The following TRIM37 variants were observed in gnomAD, a reference collection of about 807,000 sequenced individuals.
TRIM37 encodes tripartite motif containing 37, also known as E3 ubiquitin-protein ligase TRIM37.
In TRIM37, 80 loss-of-function variants were observed where a neutral mutation model predicts 129.8. The ratio of observed to expected loss-of-function variants is 0.62; its 90% confidence interval spans 0.51 to 0.74. The LOEUF (loss-of-function observed/expected upper bound fraction) is 0.74. Among genes scored for constraint, TRIM37 ranks in the 30% least tolerant of loss-of-function variants. The pLI is 0.00. For missense variants in TRIM37, 1,054 were observed against 1,176.5 expected (o/e 0.90, Z 1.52); for synonymous variants, 389 against 387.1 (o/e 1.00, Z -0.06).
intron 2 of TRIM37, among the ~76,000 whole-genome samples, chr17:59,098,651 T>A: frequency 1.5e-5 from 2 of 132,064 alleles, no homozygotes; most frequent in African/African-American, 5.8e-5. Flanking sequence ...GGCAACAGAG[T>A]GAGACACTGT....
intron 17 of TRIM37, among the ~76,000 whole-genome samples, chr17:59,033,278 T>C (rs1176618747): frequency 6.6e-6 from 1 of 152,176 alleles, no homozygotes; most frequent in Non-Finnish European, 1.5e-5. Context: ...AGCCAATTAA[T>C]AATTTATGCT....
At chr17:59,080,398 A>G (rs1568193784) in intron 6 of TRIM37, among the ~76,000 whole-genome samples, 1 of 152,254 alleles carries the variant, frequency 6.6e-6, no homozygotes, top group Non-Finnish European at 1.5e-5. Flanking sequence ...CATCACAAAT[A>G]GTTCATTGCT....
At chr17:59,031,038 A>G (rs1406649396) in intron 18 of TRIM37, among the ~76,000 whole-genome samples, 3 of 152,198 alleles carry the variant, frequency 2.0e-5, no homozygotes, top group Admixed American at 1.3e-4. Context: ...TTCAGGAAGT[A>G]TATCTGGCTC....
At chr17:59,053,116 C>T (rs1449007408) in intron 13 of TRIM37, among the ~76,000 whole-genome samples, 1 of 152,144 alleles carries the variant, frequency 6.6e-6, no homozygotes, top group Admixed American at 6.5e-5. Context: ...GTAAGACCGT[C>T]TAAACACTAT....
At chr17:59,053,572 A>G (rs2040554920) in intron 13 of TRIM37, among the ~76,000 whole-genome samples, 1 of 152,202 alleles carries the variant, frequency 6.6e-6, no homozygotes, top group Admixed American at 6.5e-5. Context: ...CTTAAAAAAA[A>G]TGATGTCATA....
At chr17:59,022,404 T>C (rs1252579050) in intron 19 of TRIM37, among the ~76,000 whole-genome samples, 3 of 152,242 alleles carry the variant, frequency 2.0e-5, no homozygotes, top group African/African-American at 7.2e-5. Flanking sequence ...TCATTTGATA[T>C]AATTCTACAC....
At chr17:59,103,650 G>GTT (rs768853417) in intron 2 of TRIM37, among the ~76,000 whole-genome samples, 32 of 118,974 alleles carry the variant, frequency 2.7e-4, no homozygotes, top group East Asian at 5.3e-4. Flanking sequence ...CAACATTCAA[G>GTT]TTTTTTTTTT....
chr17:59,106,494 C>A lies in TRIM37; in HGVS notation c.-33G>T. 1 of 1,612,796 alleles carries A rather than the reference C, an allele frequency of 6.2e-7. No individual in the cohort carries two copies. Among genetic ancestry groups the A allele is most frequent in the Non-Finnish European group, 8.5e-7 (1 of 1,179,504 alleles). ...GGCTCTCGGCGGGGCCGCTGGCGAC[C>A]CGCAGGCTCCGCAGTCTGACCTCTT... is the stretch of plus-strand genomic sequence containing the variant. On this transcript the variant is annotated 5_prime_UTR_variant, in exon 1 of 24. Transcript: ENST00000262294.
the TRIM37 span, among the ~76,000 whole-genome samples, chr17:58,967,513 T>TAGAG: frequency 6.7e-6 from 1 of 149,278 alleles, no homozygotes; most frequent in African/African-American, 2.5e-5. Context: ...TGTATATATA[T>TAGAG]ATATATAGAG....
chr17:59,090,394 T>C (rs892830994), intron 3 of TRIM37, among the ~76,000 whole-genome samples: 3 of 152,130 alleles, frequency 2.0e-5, no homozygotes, highest in Non-Finnish European at 2.9e-5. Flanking sequence ...CATACGCATA[T>C]ATATATATAA....
chr17:59,073,249 A>G (rs923550351), intron 8 of TRIM37: 1 of 152,086 alleles, frequency 6.6e-6, no homozygotes, highest in Non-Finnish European at 1.5e-5. Context: ...CATAAACACT[A>G]TCAGGCTATA....
chr17:59,052,468 C>CATTT (rs1411062362), intron 13 of TRIM37, among the ~76,000 whole-genome samples: 1 of 152,116 alleles, frequency 6.6e-6, no homozygotes, highest in Non-Finnish European at 1.5e-5. Flanking sequence ...ACCTACTGAC[C>CATTT]ATTTAACAGT....
At chr17:59,039,535 G>C (rs1284921336) in intron 17 of TRIM37, among the ~76,000 whole-genome samples, 1 of 151,992 alleles carries the variant, frequency 6.6e-6, no homozygotes, top group African/African-American at 2.4e-5. Flanking sequence ...TTAGTAGAGA[G>C]GGGGTTCCAT....
chr17:58,973,480 T>A, the TRIM37 span, among the ~76,000 whole-genome samples: 1 of 150,364 alleles, frequency 6.7e-6, no homozygotes, highest in Non-Finnish European at 1.5e-5. Flanking sequence ...ACATTTAAAA[T>A]TTTATGGAAG....
chr17:59,056,793 T>G (rs1204188603), intron 13 of TRIM37, 82 bp downstream of exon 13: 2 of 1,148,556 alleles, frequency 1.7e-6, no homozygotes, highest in East Asian at 5.5e-5. Context: ...TCATCTTTGT[T>G]AACCAAATGA....
chr17:59,045,333 AAAAAAAAAAG>A (rs2039666664), intron 16 of TRIM37, among the ~76,000 whole-genome samples: 1 of 148,194 alleles, frequency 6.7e-6, no homozygotes, highest in Non-Finnish European at 1.5e-5. Flanking sequence ...CGTTTCAAAT[AAAAAAAAAAG>A]AAAAAAAAAA....
chr17:59,014,715 A>G (rs1384867900), intron 21 of TRIM37, among the ~76,000 whole-genome samples: 1 of 140,306 alleles, frequency 7.1e-6, no homozygotes, highest in African/African-American at 2.6e-5. Context: ...GGATAGACTG[A>G]AAAAAAAAAA....
At chr17:59,001,454 TAAAAA>T in intron 23 of TRIM37, 139 bp downstream of exon 23, 1 of 777,524 alleles carries the variant, frequency 1.3e-6, no homozygotes, top group Non-Finnish European at 1.9e-6. Context: ...TGACAATAAT[TAAAAA>T]AAAAAAAAAA....
At chr17:59,032,814 A>C (rs886202089) in intron 17 of TRIM37, among the ~76,000 whole-genome samples, 1 of 152,124 alleles carries the variant, frequency 6.6e-6, no homozygotes, top group African/African-American at 2.4e-5. Context: ...ACCAAAATAG[A>C]AATCTCCCCC....
Sources: allele counts gnomAD v4.1 joint callset (sites outside exome capture counted in the v4.1 genomes callset), GRCh38; gene constraint gnomAD v4.1.1; transcripts MANE v1.5; gene names NCBI Gene and HGNC (gene_info 2026-07-23, HGNC 2026-07-21).